The following DENND5B variants were observed in gnomAD, a reference collection of about 807,000 sequenced individuals.
DENND5B encodes the protein DENN domain containing 5B, also known as DENN domain-containing protein 5B.
DENND5B carries 34 observed loss-of-function variants against 140.6 expected under a neutral mutation model. The observed-to-expected ratio is 0.24, with a 90% CI of 0.18 to 0.32. The LOEUF (loss-of-function observed/expected upper bound fraction) is 0.32, where lower values mean the gene tolerates loss of function less well. Among genes scored for constraint, DENND5B ranks in the 10% least tolerant of loss-of-function variants. DENND5B has a pLI of 1.00. For missense variants in DENND5B, 1,142 were observed against 1,560.2 expected (o/e 0.73, Z 4.52); for synonymous variants, 551 against 562.1 (o/e 0.98, Z 0.28).
intron 10 of DENND5B, 56 bp from the exon 11 acceptor site, chr12:31,423,731 T>A (rs1386865091): frequency 6.4e-7 from 1 of 1,559,198 alleles, no homozygotes; most frequent in African/African-American, 1.4e-5. Context: ...AAAAAATAAT[T>A]TCTCATCCAA....
chr12:31,450,278 G>T (rs1358059795), intron 5 of DENND5B, among the ~76,000 whole-genome samples: 1 of 152,116 alleles, frequency 6.6e-6, no homozygotes, highest in Non-Finnish European at 1.5e-5. Flanking sequence ...CTGATGTGGG[G>T]AAAAACAAAG....
chr12:31,497,028 A>C (rs903724922), intron 1 of DENND5B, among the ~76,000 whole-genome samples: 3 of 152,160 alleles, frequency 2.0e-5, no homozygotes, highest in Non-Finnish European at 4.4e-5. Context: ...TACTATTAAA[A>C]ATATCACAAA....
At chr12:31,398,428 CT>C in intron 16 of DENND5B, 66 bp from the exon 17 acceptor site, 1 of 1,455,164 alleles carries the variant, frequency 6.9e-7, no homozygotes, top group Non-Finnish European at 9.1e-7. Context: ...GCTCAGCCCC[CT>C]GAGTAGTTGA....
intron 12 of DENND5B, among the ~76,000 whole-genome samples, chr12:31,415,003 G>A (rs563694749): frequency 4.6e-5 from 7 of 151,406 alleles, no homozygotes; most frequent in East Asian, 3.9e-4. Flanking sequence ...TAATTCTAGC[G>A]ACTTGGGAGG....
chr12:31,440,726 C>CA (rs1318388561), intron 7 of DENND5B, among the ~76,000 whole-genome samples: 1 of 152,108 alleles, frequency 6.6e-6, no homozygotes, highest in Admixed American at 6.6e-5. Flanking sequence ...GTGATGCGAT[C>CA]ACATCATGGC....
chr12:31,568,632 A>T (rs1364917665), intron 1 of DENND5B, among the ~76,000 whole-genome samples: 1 of 152,188 alleles, frequency 6.6e-6, no homozygotes, highest in African/African-American at 2.4e-5. Context: ...TTCTGCTGCC[A>T]CTTAATAACT....
chr12:31,552,597 AC>A (rs1949111970), intron 1 of DENND5B, among the ~76,000 whole-genome samples: 1 of 151,982 alleles, frequency 6.6e-6, no homozygotes. Flanking sequence ...TAGGGAGGAT[AC>A]CCTCTTTTTC....
At chr12:31,560,539 G>C (rs932822217) in intron 1 of DENND5B, among the ~76,000 whole-genome samples, 2 of 152,110 alleles carry the variant, frequency 1.3e-5, no homozygotes, top group African/African-American at 4.8e-5. Flanking sequence ...GAACCTCCCT[G>C]CATACACACA....
intron 9 of DENND5B, among the ~76,000 whole-genome samples, chr12:31,426,011 T>C (rs1231356771): frequency 6.6e-6 from 1 of 152,114 alleles, no homozygotes; most frequent in Non-Finnish European, 1.5e-5. Flanking sequence ...CTGACGCAAA[T>C]TATGAGTGGC....
chr12:31,410,301 A>G (rs1289969067), intron 13 of DENND5B, among the ~76,000 whole-genome samples: 3 of 152,224 alleles, frequency 2.0e-5, no homozygotes, highest in Non-Finnish European at 4.4e-5. Flanking sequence ...AGATTTCATT[A>G]AACACTTACA....
chr12:31,450,401 C>A (rs1057438342), intron 5 of DENND5B, among the ~76,000 whole-genome samples: 8 of 152,028 alleles, frequency 5.3e-5, no homozygotes, highest in African/African-American at 1.9e-4. Flanking sequence ...ACTCGCTAGC[C>A]CAAGCTGGAG....
At chr12:31,496,610 T>C (rs1227529656) in intron 1 of DENND5B, among the ~76,000 whole-genome samples, 1 of 152,108 alleles carries the variant, frequency 6.6e-6, no homozygotes, top group Non-Finnish European at 1.5e-5. Context: ...ATGCCTGTAA[T>C]CCCAGAACTT....
rs150458484 is a variant in DENND5B at position 31,440,076 on chromosome 12, A to T, written c.2012+2699T>A. Among the ~76,000 whole-genome samples the T allele has an allele frequency of 3.9e-3, 590 of 152,268 alleles. 5 individuals are homozygous for T. Among genetic ancestry groups the T allele is most frequent in the African/African-American group, 0.013 (554 of 41,548 alleles). On this transcript the variant is annotated intron_variant, in intron 7 of 20. Coordinates refer to ENST00000389082, the MANE Select transcript of DENND5B (RefSeq NM_144973.4). The stretch of plus-strand genomic sequence containing the variant: ...GATGGCTAATCTGTTCTTATGGAAA[A>T]TTCTCTTAATTATCATCCACTTCTG...
chr12:31,483,999 C>G (rs898181860), intron 2 of DENND5B, among the ~76,000 whole-genome samples: 5 of 151,472 alleles, frequency 3.3e-5, no homozygotes, highest in Non-Finnish European at 7.4e-5. Context: ...GACTACAGGC[C>G]TGCACCACCA....
chr12:31,496,068 G>A, intron 1 of DENND5B, 149 bp from the exon 2 acceptor site: 1 of 499,102 alleles, frequency 2.0e-6, no homozygotes, highest in Non-Finnish European at 3.4e-6. Context: ...AAATCCCGAT[G>A]GACAACTAAA....
rs1333318772 is a variant in DENND5B, at chr12:31,436,759, T to C, written c.2013-3511A>G. 2.0e-5 allele frequency among the ~76,000 whole-genome samples: 3 copies of C among 151,794 alleles called. No individual in the cohort carries two copies. The East Asian group carries it at 5.9e-4, about 30-fold the overall frequency. ...CATGTTGGCCAGGCTGGTCTGGAACTCCTGAGCTCAGGTGATCCGCCCGCC... is the reference window on the plus strand; with the variant it reads ...CATGTTGGCCAGGCTGGTCTGGAACCCCTGAGCTCAGGTGATCCGCCCGCC... On this transcript the variant is annotated intron_variant, in intron 7 of 20. Transcript: ENST00000389082.
intron 3 of DENND5B, among the ~76,000 whole-genome samples, chr12:31,474,328 C>T (rs1945693597): frequency 6.6e-6 from 1 of 152,162 alleles, no homozygotes; most frequent in Non-Finnish European, 1.5e-5. Context: ...TATTCTTCCA[C>T]TAGTTCTTTG....
At chr12:31,392,058 G>A (rs1355051387) in intron 19 of DENND5B, among the ~76,000 whole-genome samples, 1 of 150,990 alleles carries the variant, frequency 6.6e-6, no homozygotes, top group African/African-American at 2.4e-5. Context: ...AGAATCATTT[G>A]AACCTGGGAG....
chr12:31,590,635 C>G lies in DENND5B; in HGVS notation c.127+71G>C, dbSNP rs899907516. The stretch of plus-strand genomic sequence containing the variant: ...GACTTTGTCTGGAGCCTGCACCCCG[C>G]CTCCCGCGCGTCCCCACAGCGTCCC... On this transcript the variant is annotated intron_variant, in intron 1 of 20. Coordinates refer to ENST00000389082, the MANE Select transcript of DENND5B (RefSeq NM_144973.4). 2.2e-6 allele frequency: 3 copies of G among 1,376,854 alleles called. No homozygotes were observed. In the African/African-American group the frequency reaches 4.6e-5, roughly 21 times the overall value. 85.3% of individuals were successfully genotyped at this position (1,376,854 alleles called of 1,614,324 possible). A position where few individuals can be genotyped will look rare whatever the true frequency, so the allele number is the denominator to read the frequency against.
Sources: allele counts gnomAD v4.1 joint callset (sites outside exome capture counted in the v4.1 genomes callset), GRCh38; gene constraint gnomAD v4.1.1; transcripts MANE v1.5; gene names NCBI Gene and HGNC (gene_info 2026-07-23, HGNC 2026-07-21).